Variants in TPRG1 observed in about 807,000 individuals in gnomAD.
TPRG1 encodes tumor protein p63-regulated gene 1 protein.
TPRG1 carries 29 observed loss-of-function variants against 29.3 expected under a neutral mutation model. That is an observed-to-expected ratio of 0.99 (90% CI 0.74 to 1.35). The LOEUF is 1.35. Ranked by LOEUF, TPRG1 falls within the 40% of genes most tolerant of loss-of-function variation. The pLI is 0.00. For missense variants in TPRG1, 327 were observed against 335.0 expected (o/e 0.98, Z 0.19); for synonymous variants, 130 against 116.8 (o/e 1.11, Z -0.73).
At chr3:189,023,459 C>A (rs762748683) in intron 3 of TPRG1, among the ~76,000 whole-genome samples, 1 of 152,158 alleles carries the variant, frequency 6.6e-6, no homozygotes, top group Non-Finnish European at 1.5e-5. Flanking sequence ...TTTAACTTAG[C>A]GAAGTTTGTT....
intron 1 of TPRG1, among the ~76,000 whole-genome samples, chr3:189,119,077 C>A (rs1416156793): frequency 3.3e-5 from 5 of 152,236 alleles, no homozygotes; most frequent in Non-Finnish European, 7.3e-5. Flanking sequence ...TTGAGCTTTG[C>A]AAAGCCACAG....
intron 3 of TPRG1, among the ~76,000 whole-genome samples, chr3:189,006,968 T>C (rs1250635236): frequency 6.6e-6 from 1 of 152,094 alleles, no homozygotes. Context: ...GGCATTACCA[T>C]TCAGGACATA....
chr3:189,042,034 C>G (rs1714665124), intron 4 of TPRG1, among the ~76,000 whole-genome samples: 1 of 152,098 alleles, frequency 6.6e-6, no homozygotes, highest in Non-Finnish European at 1.5e-5. Flanking sequence ...ATGTTAGCAG[C>G]TTGTTTCTGA....
At chr3:189,217,336 A>G (rs913362768) in intron 3 of TPRG1, among the ~76,000 whole-genome samples, 7 of 152,346 alleles carry the variant, frequency 4.6e-5, no homozygotes, top group Non-Finnish European at 8.8e-5. Flanking sequence ...AAGCCTATCT[A>G]GAAACTCATT....
chr3:189,032,867 G>A (rs1007126897), intron 4 of TPRG1, among the ~76,000 whole-genome samples: 6 of 150,106 alleles, frequency 4.0e-5, no homozygotes, highest in Admixed American at 6.7e-5. Context: ...TTGTCCTTGC[G>A]ATAGTTTACT....
At chr3:189,175,376 C>T (rs1413171305) in intron 1 of TPRG1, among the ~76,000 whole-genome samples, 2 of 152,162 alleles carry the variant, frequency 1.3e-5, no homozygotes, top group Non-Finnish European at 2.9e-5. Flanking sequence ...GAAGCATTTA[C>T]TACAGCTCAA....
chr3:189,004,028 T>C (rs1712164463), intron 2 of TPRG1, among the ~76,000 whole-genome samples: 1 of 152,116 alleles, frequency 6.6e-6, no homozygotes, highest in Non-Finnish European at 1.5e-5. Flanking sequence ...AAAATAAACA[T>C]TATAAGTGAA....
chr3:189,277,195 C>T lies in TPRG1; in HGVS notation c.480-33191C>T, dbSNP rs541451110. On this transcript the variant is annotated intron_variant, in intron 4 of 5. Transcript: ENST00000345063. ...AGGCAGCTTTCCCTACAATCCCCAG[C>T]CCTCCAAGGGCTTTTAAAGCATTGA... Among the ~76,000 whole-genome samples the T allele has an allele frequency of 2.0e-5, 3 of 152,292 alleles. No individual in the cohort carries two copies. In the South Asian group the frequency reaches 6.2e-4, roughly 32 times the overall value.
chr3:189,315,479 C>G (rs1459062764), intron 5 of TPRG1: 1 of 454,030 alleles, frequency 2.2e-6, no homozygotes, highest in African/African-American at 2.0e-5. Context: ...CATCGCTTTG[C>G]TGGGTTCCTA....
chr3:189,123,277 G>T (rs576013433), intron 1 of TPRG1, among the ~76,000 whole-genome samples: 1 of 152,304 alleles, frequency 6.6e-6, no homozygotes, highest in South Asian at 2.1e-4. Context: ...AGAAACATCA[G>T]TACATGTTCC....
At chr3:189,082,702 C>T (rs1372302556) in intron 4 of TPRG1, among the ~76,000 whole-genome samples, 2 of 152,134 alleles carry the variant, frequency 1.3e-5, no homozygotes, top group Admixed American at 1.3e-4. Context: ...TTGAATTTCT[C>T]GAGCTCAGAA....
At chr3:189,275,565 G>A (rs1237514713) in intron 4 of TPRG1, among the ~76,000 whole-genome samples, 1 of 152,156 alleles carries the variant, frequency 6.6e-6, no homozygotes, top group East Asian at 1.9e-4. Flanking sequence ...AGAAGGTATA[G>A]CAAGAATAAA....
At chr3:189,019,627 G>T (rs1713174856) in intron 3 of TPRG1, among the ~76,000 whole-genome samples, 1 of 152,110 alleles carries the variant, frequency 6.6e-6, no homozygotes, top group African/African-American at 2.4e-5. Flanking sequence ...TGCTGGATTT[G>T]TTTTGCCAGT....
At chr3:188,999,711 G>A (rs925042959) in intron 1 of TPRG1, among the ~76,000 whole-genome samples, 1 of 151,840 alleles carries the variant, frequency 6.6e-6, no homozygotes, top group Non-Finnish European at 1.5e-5. Context: ...TTTTTTATTG[G>A]CTGTATAATA....
At chr3:189,237,636 G>A (rs1374051426) in intron 3 of TPRG1, among the ~76,000 whole-genome samples, 1 of 152,108 alleles carries the variant, frequency 6.6e-6, no homozygotes, top group Non-Finnish European at 1.5e-5. Flanking sequence ...GATTATACAG[G>A]CGTGTAGTCC....
intron 4 of TPRG1, among the ~76,000 whole-genome samples, chr3:189,271,399 T>A (rs1467966528): frequency 6.6e-6 from 1 of 152,100 alleles, no homozygotes; most frequent in Admixed American, 6.5e-5. Context: ...GTTTGCAGAG[T>A]CTTGCATATA....
intron 4 of TPRG1, among the ~76,000 whole-genome samples, chr3:189,093,074 C>A (rs1057032023): frequency 6.6e-6 from 1 of 150,802 alleles, no homozygotes; most frequent in Non-Finnish European, 1.5e-5. Context: ...CAAAATATTC[C>A]AGCATAACTA....
intron 2 of TPRG1, among the ~76,000 whole-genome samples, chr3:189,003,205 C>T (rs754629201): frequency 6.6e-6 from 1 of 152,054 alleles, no homozygotes; most frequent in Non-Finnish European, 1.5e-5. Flanking sequence ...TTCAGGTAGT[C>T]GCACAGAGAG....
intron 5 of TPRG1, among the ~76,000 whole-genome samples, chr3:189,162,530 TG>T (rs1727625361): frequency 6.6e-6 from 1 of 152,128 alleles, no homozygotes; most frequent in African/African-American, 2.4e-5. Context: ...AATATGACAA[TG>T]AAGATACAAT....
Sources: gnomAD v4.1 joint callset for allele counts (sites outside exome capture counted in the v4.1 genomes callset) on GRCh38, gnomAD v4.1.1 for gene constraint, MANE v1.5 for transcripts, NCBI Gene and HGNC (gene_info 2026-07-23, HGNC 2026-07-21) for gene names.